Variants in PDGFC observed in about 807,000 individuals in gnomAD.
PDGFC encodes platelet derived growth factor C.
PDGFC carries 12 observed loss-of-function variants against 35.5 expected under a neutral mutation model. The ratio of observed to expected loss-of-function variants is 0.34; its 90% CI spans 0.22 to 0.55. The LOEUF (loss-of-function observed/expected upper bound fraction) is 0.55. Ranked by LOEUF, PDGFC falls within the 20% of genes least tolerant of loss-of-function variation. The pLI is 0.91. For synonymous variants in PDGFC, 159 were observed against 148.8 expected (o/e 1.07, Z -0.50); for missense variants, 322 against 412.4 (o/e 0.78, Z 1.90).
intron 1 of PDGFC, among the ~76,000 whole-genome samples, chr4:156,921,308 A>G (rs1483230802): frequency 6.6e-6 from 1 of 152,182 alleles, no homozygotes; most frequent in Non-Finnish European, 1.5e-5. Flanking sequence ...TCAAGGTATC[A>G]TCATGTATTC....
In PDGFC at chr4:156,859,050, A is replaced by G. The variant is rs536705484; in HGVS notation, c.119-8634T>C. On this transcript the variant is annotated intron_variant, in intron 1 of 5. Transcript: ENST00000502773. The stretch of plus-strand genomic sequence containing the variant: ...AAGTAACAACAAAAAGATAACCAAA[A>G]CAAATTTACTATTTCATAGAAAAAA... Among the ~76,000 whole-genome samples the G allele has an allele frequency of 3.4e-4, 52 of 152,180 alleles. 1 individual carries two copies. The South Asian group carries it at 9.7e-3, about 29-fold the overall frequency.
chr4:156,873,830 C>T (rs1174345876), intron 1 of PDGFC: 1 of 152,184 alleles, frequency 6.6e-6, no homozygotes, highest in Non-Finnish European at 1.5e-5. Context: ...CAGGTCCTGC[C>T]TTTTAAAAGA....
At chr4:156,886,227 G>T (rs116782287) in intron 1 of PDGFC, among the ~76,000 whole-genome samples, 4,127 of 152,138 alleles carry the variant, frequency 0.027, 83 homozygotes, top group African/African-American at 0.047. Flanking sequence ...CTAAATTATT[G>T]GTGTAATAAC....
chr4:156,966,003 TTTGTC>T (rs1732457352), intron 1 of PDGFC, among the ~76,000 whole-genome samples: 1 of 152,092 alleles, frequency 6.6e-6, no homozygotes, highest in Non-Finnish European at 1.5e-5. Context: ...TGTTGGTCCA[TTTGTC>T]TTAGAGGAGT....
chr4:156,959,445 C>T (rs1732287216), intron 1 of PDGFC, among the ~76,000 whole-genome samples: 1 of 151,886 alleles, frequency 6.6e-6, no homozygotes, highest in Non-Finnish European at 1.5e-5. Flanking sequence ...GAAGTTATTA[C>T]ATCCATTCCC....
intron 1 of PDGFC, among the ~76,000 whole-genome samples, chr4:156,858,149 A>G (rs1020944129): frequency 6.6e-6 from 1 of 152,054 alleles, no homozygotes; most frequent in Non-Finnish European, 1.5e-5. Context: ...CCTTGAAAAT[A>G]TCCCAATTTG....
chr4:156,971,455 G>A lies in PDGFC; in HGVS notation c.-552C>T, dbSNP rs1414425835. 2 of 323,904 alleles carry A rather than the reference G, an allele frequency of 6.2e-6. No individual in the cohort carries two copies. The highest frequency in any genetic ancestry group is 1.1e-5 in the Non-Finnish European group (2 of 179,266). 20.1% of individuals were successfully genotyped at this position (323,904 alleles called of 1,614,324 possible). ...GGGGAGGGGGAAGAAACAAGGCGAG[G>A]GCGCCGCGGCGGGTCCCACGGGCCG... On this transcript the variant is annotated 5_prime_UTR_variant, in exon 1 of 6. Coordinates refer to ENST00000502773, the MANE Select transcript of PDGFC (RefSeq NM_016205.3).
intron 1 of PDGFC, among the ~76,000 whole-genome samples, chr4:156,901,485 T>C (rs1730781777): frequency 6.6e-6 from 1 of 152,048 alleles, no homozygotes; most frequent in African/African-American, 2.4e-5. Context: ...ACAGAGTACA[T>C]GACATACAGC....
rs150097876 is a variant in PDGFC at position 156,843,118 on chromosome 4, T to A, written c.314+7103A>T. Among the ~76,000 whole-genome samples, 45 of 152,206 alleles carry A rather than the reference T, an allele frequency of 3.0e-4. 1 individual carries two copies. The highest frequency in any genetic ancestry group is 1.1e-3 in the African/African-American group (44 of 41,540). On this transcript the variant is annotated intron_variant, in intron 2 of 5. Coordinates refer to ENST00000502773, the MANE Select transcript of PDGFC (RefSeq NM_016205.3). ...TGTGAAATCCTAACCCCTAAGGTGA[T>A]GGTATTTGAAGGTAGGGTATTTGGG... is the stretch of plus-strand genomic sequence containing the variant.
intron 1 of PDGFC, among the ~76,000 whole-genome samples, chr4:156,876,132 C>A (rs575114829): frequency 6.6e-6 from 1 of 152,158 alleles, no homozygotes; most frequent in Non-Finnish European, 1.5e-5. Context: ...AAAACAATGA[C>A]CTGAGTGTGC....
At chr4:156,926,399 A>G (rs1384388286) in intron 1 of PDGFC, among the ~76,000 whole-genome samples, 1 of 152,086 alleles carries the variant, frequency 6.6e-6, no homozygotes. Context: ...TGGGTAGATA[A>G]AGGCAGGGTC....
chr4:156,865,564 G>A (rs1483447181), intron 1 of PDGFC, among the ~76,000 whole-genome samples: 1 of 152,130 alleles, frequency 6.6e-6, no homozygotes, highest in African/African-American at 2.4e-5. Context: ...GAAACTGTTA[G>A]TCACTCATGT....
intron 2 of PDGFC, among the ~76,000 whole-genome samples, chr4:156,823,991 C>T (rs904319576): frequency 2.6e-5 from 4 of 151,874 alleles, no homozygotes; most frequent in African/African-American, 9.7e-5. Flanking sequence ...AAGACAAGTA[C>T]TAAATGATCT....
chr4:156,832,644 G>C (rs1474727231), intron 2 of PDGFC, among the ~76,000 whole-genome samples: 2 of 152,144 alleles, frequency 1.3e-5, no homozygotes, highest in Non-Finnish European at 2.9e-5. Flanking sequence ...TAACTAACCA[G>C]GATTTCTAGC....
chr4:156,880,695 T>C (rs186902308), intron 1 of PDGFC, among the ~76,000 whole-genome samples: 145 of 152,274 alleles, frequency 9.5e-4, no homozygotes, highest in African/African-American at 2.8e-3. Flanking sequence ...TCCACTCTCA[T>C]GGATGACACT....
chr4:156,845,241 C>A (rs1459003020), intron 2 of PDGFC, among the ~76,000 whole-genome samples: 1 of 151,424 alleles, frequency 6.6e-6, no homozygotes, highest in African/African-American at 2.4e-5. Flanking sequence ...CGCCTCTACA[C>A]AATATCTATA....
chr4:156,960,347 T>G (rs1732314243), intron 1 of PDGFC, among the ~76,000 whole-genome samples: 1 of 150,444 alleles, frequency 6.6e-6, no homozygotes, highest in African/African-American at 2.4e-5. Flanking sequence ...TAAACAAAAG[T>G]ACATTATTTC....
intron 2 of PDGFC, among the ~76,000 whole-genome samples, 168 bp downstream of exon 2, chr4:156,850,053 T>C (rs1243385699): frequency 1.3e-5 from 2 of 152,098 alleles, no homozygotes; most frequent in Non-Finnish European, 2.9e-5. Context: ...CTTCCGATTT[T>C]AAATGAAGAC....
chr4:156,857,554 G>T (rs188717254), intron 1 of PDGFC, among the ~76,000 whole-genome samples: 2 of 152,124 alleles, frequency 1.3e-5, no homozygotes, highest in African/African-American at 4.8e-5. Flanking sequence ...ATGAGCTTTG[G>T]TAAGAAATGG....
Sources: gnomAD v4.1 joint callset for allele counts (sites outside exome capture counted in the v4.1 genomes callset) on GRCh38, gnomAD v4.1.1 for gene constraint, MANE v1.5 for transcripts, NCBI Gene and HGNC (gene_info 2026-07-23, HGNC 2026-07-21) for gene names.